Variants in ABL2 observed in about 807,000 individuals in gnomAD.
ABL2 encodes ABL proto-oncogene 2, non-receptor tyrosine kinase.
In ABL2, 49 loss-of-function variants were observed where a neutral mutation model predicts 107.7. The ratio of observed to expected loss-of-function variants is 0.45; its 90% confidence interval spans 0.36 to 0.58. ABL2 has a LOEUF of 0.58. Among genes scored for constraint, ABL2 ranks in the 20% least tolerant of loss-of-function variants. The probability of loss-of-function intolerance (pLI) is 0.00; values close to 1 mark genes in which losing one functional copy is unlikely to be tolerated. For missense variants in ABL2, 1,245 were observed against 1,457.0 expected, an observed-to-expected ratio of 0.85 and a Z score of 2.37; for synonymous variants, 549 against 548.6, an observed-to-expected ratio of 1.00 and a Z score of -0.01.
intron 1 of ABL2, among the ~76,000 whole-genome samples, chr1:179,136,208 G>A (rs1247763443): frequency 1.3e-5 from 2 of 151,950 alleles, no homozygotes; most frequent in Non-Finnish European, 2.9e-5. Flanking sequence ...TCTGGGAGGT[G>A]TACCCAACAG....
At chr1:179,192,780 A>T (rs1661091758) in intron 1 of ABL2, among the ~76,000 whole-genome samples, 1 of 152,222 alleles carries the variant, frequency 6.6e-6, no homozygotes, top group African/African-American at 2.4e-5. Flanking sequence ...ATGTTCTGAA[A>T]CATTAAGTCT....
At position 179,117,423 on chromosome 1, in the gene ABL2, A is replaced by G. The variant is rs142746259; in HGVS notation, c.1317T>C (p.Tyr439=). The G allele has an allele frequency of 3.5e-5, 56 of 1,614,216 alleles. No homozygotes were observed. The Admixed American group carries it at 3.7e-4, about 11-fold the overall frequency. ...GLSRLMTGDT[Y]TAHAGAKFPI... is the part of the protein sequence containing the mutation. ...GAAATTTGGCTCCAGCATGAGCAGT[A>G]TAAGTGTCTCCAGTCATCAATCTAC... Residue 439 remains tyrosine (Y), a synonymous_variant, in exon 8 of 12, where the codon TAT becomes TAC. Coordinates refer to ENST00000502732, the MANE Select transcript of ABL2 (RefSeq NM_007314.4).
intron 1 of ABL2, among the ~76,000 whole-genome samples, chr1:179,213,809 T>C (rs1365847099): frequency 6.6e-6 from 1 of 152,114 alleles, no homozygotes; most frequent in African/African-American, 2.4e-5. Flanking sequence ...CCAGGCGTGG[T>C]GGCTCACACC....
At chr1:179,110,795 G>A (rs752073192) in intron 10 of ABL2, 2 of 1,613,920 alleles carry the variant, frequency 1.2e-6, no homozygotes, top group South Asian at 1.1e-5. Flanking sequence ...CCTGCTCTGT[G>A]TCTTTTGGTT....
intron 1 of ABL2, among the ~76,000 whole-genome samples, chr1:179,189,525 T>C (rs897654852): frequency 1.3e-5 from 2 of 152,206 alleles, no homozygotes; most frequent in African/African-American, 4.8e-5. Flanking sequence ...TCTTGTATCA[T>C]ATTACATCTT....
chr1:179,119,526 A>G (rs1014273318), intron 6 of ABL2, among the ~76,000 whole-genome samples: 3 of 147,262 alleles, frequency 2.0e-5, no homozygotes, highest in Non-Finnish European at 4.4e-5. Flanking sequence ...AACAAACAAA[A>G]AAAAACACCC....
intron 3 of ABL2, among the ~76,000 whole-genome samples, chr1:179,128,084 G>T (rs1368318618): frequency 6.6e-6 from 1 of 150,620 alleles, no homozygotes; most frequent in African/African-American, 2.4e-5. Flanking sequence ...GTTTTTAGGA[G>T]AACTAAAAAT....
At chr1:179,219,115 T>C (rs1030983149) in intron 1 of ABL2, among the ~76,000 whole-genome samples, 3 of 152,208 alleles carry the variant, frequency 2.0e-5, no homozygotes, top group Non-Finnish European at 4.4e-5. Context: ...TGATTATGGC[T>C]CACTGCAGCC....
At chr1:179,190,460 C>T (rs770559600) in intron 1 of ABL2, among the ~76,000 whole-genome samples, 1 of 152,154 alleles carries the variant, frequency 6.6e-6, no homozygotes, top group African/African-American at 2.4e-5. Context: ...GTTCAGCTAT[C>T]CCAAAGCTGT....
intron 1 of ABL2, among the ~76,000 whole-genome samples, chr1:179,180,392 G>T (rs957443360): frequency 6.6e-6 from 1 of 152,172 alleles, no homozygotes; most frequent in South Asian, 2.1e-4. Flanking sequence ...TTTCTTATAC[G>T]TTCCCTCTGA....
chr1:179,136,030 A>C (rs1265967548), intron 1 of ABL2, among the ~76,000 whole-genome samples: 1 of 143,528 alleles, frequency 7.0e-6, no homozygotes, highest in African/African-American at 2.6e-5. Flanking sequence ...GGCCGCCCCT[A>C]CTGGGAAGTG....
At position 179,109,273 on chromosome 1, in the gene ABL2, G is replaced by A. The variant is rs764333016; in HGVS notation, c.1994C>T (p.Pro665Leu). Residue 665 changes from proline (P) to leucine (L), a missense_variant, in exon 12 of 12, where the codon CCC (proline) becomes CTC (leucine). Pro to Leu is a moderately conservative substitution (Grantham distance 98). This residue lies in a region of ABL2 where 761 missense variants were observed against 766.4 expected (regional missense o/e 0.99). Coordinates refer to ENST00000502732, the MANE Select transcript of ABL2 (RefSeq NM_007314.4). ...TCGGAAGGAGCTGCTGCGTTTGGGG[G>A]GTGTAGGAGCATTTCTCTTCTTCAT... Reference protein sequence around the residue: ...SFMKKRNAPTPPKRSSSFREM... With the variant: ...SFMKKRNAPTLPKRSSSFREM... 1 of 1,614,118 alleles carries A rather than the reference G, an allele frequency of 6.2e-7. No homozygotes were observed. Among genetic ancestry groups the A allele is most frequent in the Middle Eastern group, 1.6e-4 (1 of 6,062 alleles).
chr1:179,226,720 A>G (rs1663239256), intron 1 of ABL2, among the ~76,000 whole-genome samples: 1 of 152,238 alleles, frequency 6.6e-6, no homozygotes, highest in Non-Finnish European at 1.5e-5. Flanking sequence ...TACTATTATT[A>G]TCACCACTTT....
chr1:179,202,926 G>T (rs1259196013), intron 1 of ABL2, among the ~76,000 whole-genome samples: 1 of 152,068 alleles, frequency 6.6e-6, no homozygotes, highest in Admixed American at 6.6e-5. Context: ...AGTTTAGAAG[G>T]TTCAAAATAC....
At chr1:179,144,186 G>A (rs756878460) in intron 1 of ABL2, among the ~76,000 whole-genome samples, 13 of 152,022 alleles carry the variant, frequency 8.6e-5, no homozygotes, top group Non-Finnish European at 1.6e-4. Flanking sequence ...GGCCAGGGGC[G>A]GTGGCTCACG....
intron 8 of ABL2, chr1:179,117,110 C>T (rs144505173): frequency 1.9e-4 from 105 of 549,610 alleles, no homozygotes; most frequent in African/African-American, 1.5e-3. Flanking sequence ...GCTGTAATTA[C>T]AAACGTGAGC....
chr1:179,196,631 G>A (rs1005766662), intron 1 of ABL2: 1 of 152,298 alleles, frequency 6.6e-6, no homozygotes, highest in Admixed American at 6.6e-5. Context: ...GTGGTGGCAG[G>A]TGCCTGTAAT....
At chr1:179,205,620 G>T (rs979090945) in intron 1 of ABL2, among the ~76,000 whole-genome samples, 1 of 152,124 alleles carries the variant, frequency 6.6e-6, no homozygotes, top group South Asian at 2.1e-4. Flanking sequence ...ACCTCCTTTG[G>T]GGGGTCTGAG....
At chr1:179,214,786 G>A (rs1662471845) in intron 1 of ABL2, among the ~76,000 whole-genome samples, 1 of 152,038 alleles carries the variant, frequency 6.6e-6, no homozygotes, top group East Asian at 1.9e-4. Context: ...TAAAGCATGG[G>A]ACACTATAAA....
Sources: gnomAD v4.1 joint callset for allele counts (sites outside exome capture counted in the v4.1 genomes callset) on GRCh38, gnomAD v4.1.1 for gene constraint, gnomAD v4.1.1 regional missense constraint, MANE v1.5 for transcripts, NCBI Gene and HGNC (gene_info 2026-07-23, HGNC 2026-07-21) for gene names.